Variants in STXBP5L observed in about 807,000 individuals in gnomAD.
The protein encoded by STXBP5L is syntaxin-binding protein 5-like.
STXBP5L carries 65 observed loss-of-function variants against 144.5 expected under a neutral mutation model. The observed-to-expected ratio is 0.45, with a 90% confidence interval of 0.37 to 0.55. The LOEUF is 0.55. STXBP5L is among the 20% of genes least tolerant of loss of function. The pLI, the probability that STXBP5L is intolerant of heterozygous loss-of-function variation, is 0.00. For synonymous variants in STXBP5L, 505 were observed against 469.6 expected, an observed-to-expected ratio of 1.08 and a Z score of -0.97; for missense variants, 1,298 against 1,405.5, an observed-to-expected ratio of 0.92 and a Z score of 1.22.
At chr3:121,195,318 C>G (rs2047876962) in intron 9 of STXBP5L, among the ~76,000 whole-genome samples, 1 of 151,972 alleles carries the variant, frequency 6.6e-6, no homozygotes, top group Non-Finnish European at 1.5e-5. Context: ...AAAGAAGCTG[C>G]TTTTTTCCAG....
At chr3:121,298,638 G>GCTT (rs1174410324) in intron 19 of STXBP5L, among the ~76,000 whole-genome samples, 1 of 152,100 alleles carries the variant, frequency 6.6e-6, no homozygotes, top group Non-Finnish European at 1.5e-5. Context: ...CATTACACTA[G>GCTT]ATGAAATAAG....
intron 20 of STXBP5L, among the ~76,000 whole-genome samples, chr3:121,327,162 G>A (rs979062485): frequency 6.6e-6 from 1 of 152,138 alleles, no homozygotes; most frequent in Non-Finnish European, 1.5e-5. Flanking sequence ...TTAGGAGTCA[G>A]CAGAAAGACA....
chr3:121,084,405 C>T (rs2042392302), intron 5 of STXBP5L, among the ~76,000 whole-genome samples: 1 of 152,040 alleles, frequency 6.6e-6, no homozygotes, highest in Non-Finnish European at 1.5e-5. Flanking sequence ...TCCCCTCCTT[C>T]TTCCACGTGT....
At chr3:121,141,972 GAAAAATA>G (rs2045527816) in intron 7 of STXBP5L, among the ~76,000 whole-genome samples, 1 of 151,744 alleles carries the variant, frequency 6.6e-6, no homozygotes, top group African/African-American at 2.4e-5. Context: ...AATTGATTTA[GAAAAATA>G]AAAAATAAAA....
chr3:121,289,014 C>T (rs1006300032), intron 19 of STXBP5L, among the ~76,000 whole-genome samples: 8 of 152,176 alleles, frequency 5.3e-5, no homozygotes, highest in Admixed American at 4.6e-4. Context: ...AAATACCTAC[C>T]AGGCACTATA....
At chr3:121,377,447 G>T (rs116829934) in intron 20 of STXBP5L, among the ~76,000 whole-genome samples, 1 of 152,070 alleles carries the variant, frequency 6.6e-6, no homozygotes. Flanking sequence ...CCTGACAAAG[G>T]GCTAATATCT....
At chr3:121,162,001 A>C (rs570282544) in intron 9 of STXBP5L, among the ~76,000 whole-genome samples, 1 of 152,282 alleles carries the variant, frequency 6.6e-6, no homozygotes, top group Admixed American at 6.5e-5. Context: ...CACAAAACAA[A>C]AATGAATTAG....
At chr3:121,063,909 G>A (rs2041411380) in intron 5 of STXBP5L, among the ~76,000 whole-genome samples, 1 of 152,108 alleles carries the variant, frequency 6.6e-6, no homozygotes, top group African/African-American at 2.4e-5. Context: ...CAAGCCAGTA[G>A]ATCTTAGCTT....
intron 9 of STXBP5L, among the ~76,000 whole-genome samples, chr3:121,197,126 G>A (rs981044195): frequency 2.6e-5 from 4 of 151,664 alleles, no homozygotes; most frequent in East Asian, 3.9e-4. Flanking sequence ...AGTATTTTTC[G>A]TTTCTTTCGT....
chr3:121,292,766 A>G (rs1332075189), intron 19 of STXBP5L, among the ~76,000 whole-genome samples: 6 of 152,242 alleles, frequency 3.9e-5, no homozygotes, highest in Non-Finnish European at 7.3e-5. Flanking sequence ...CATTATTCTA[A>G]GTGAAGTAAC....
At chr3:121,188,978 GAAAT>G (rs2108149151) in intron 9 of STXBP5L, among the ~76,000 whole-genome samples, 1 of 152,326 alleles carries the variant, frequency 6.6e-6, no homozygotes, top group South Asian at 2.1e-4. Context: ...GCAAGAGAAA[GAAAT>G]AAAGGGTATT....
intron 20 of STXBP5L, among the ~76,000 whole-genome samples, chr3:121,346,386 A>T (rs557192737): frequency 6.6e-6 from 1 of 151,774 alleles, no homozygotes; most frequent in East Asian, 1.9e-4. Context: ...AGTCTTTGCT[A>T]TTATGAATAG....
At chr3:121,072,431 G>A (rs1358761593) in intron 5 of STXBP5L, among the ~76,000 whole-genome samples, 1 of 152,206 alleles carries the variant, frequency 6.6e-6, no homozygotes, top group Non-Finnish European at 1.5e-5. Flanking sequence ...ACATAGAAAT[G>A]TCGTCCTATA....
chr3:121,196,480 T>C lies in STXBP5L; in HGVS notation c.878-9443T>C, dbSNP rs554664526. 3.3e-5 allele frequency among the ~76,000 whole-genome samples: 5 copies of C among 152,274 alleles called. No homozygotes were observed. In the South Asian group the frequency reaches 1.0e-3, roughly 32 times the overall value. ...TCCATAAAAACGGAGGTCTTTCCTT[T>C]TATCTGTGTTCAAAGAACCAACTTT... On this transcript the variant is annotated intron_variant, in intron 9 of 26. Transcript: ENST00000471454.
At chr3:121,076,507 G>A (rs9823877) in intron 5 of STXBP5L, among the ~76,000 whole-genome samples, 15,049 of 152,004 alleles carry the variant, frequency 0.099, 1,158 homozygotes, top group Admixed American at 0.2. Context: ...TCTTAAAGTA[G>A]GCTGCAGTGC....
At chr3:121,347,164 T>TACACC (rs1315258309) in intron 20 of STXBP5L, among the ~76,000 whole-genome samples, 1 of 152,232 alleles carries the variant, frequency 6.6e-6, no homozygotes, top group Non-Finnish European at 1.5e-5. Flanking sequence ...TTCAGCTTTC[T>TACACC]ACATATGGCT....
intron 20 of STXBP5L, among the ~76,000 whole-genome samples, chr3:121,374,750 C>T (rs1046327065): frequency 6.6e-6 from 1 of 151,578 alleles, no homozygotes; most frequent in African/African-American, 2.4e-5. Flanking sequence ...TTTGAAATAA[C>T]CCAATCAGAC....
At position 121,323,132 on chromosome 3, in the gene STXBP5L, A is replaced by G. The variant is rs551096162; in HGVS notation, c.2176+4592A>G. ...GCGTAGGTTACAAATATTTTCTCCCATTCTGTAGTTTGTCTGTCCACCCTA... is the reference window on the plus strand; with the variant it reads ...GCGTAGGTTACAAATATTTTCTCCCGTTCTGTAGTTTGTCTGTCCACCCTA... On this transcript the variant is annotated intron_variant, in intron 20 of 26. Transcript: ENST00000471454. Among the ~76,000 whole-genome samples, 3 of 152,266 alleles carry G rather than the reference A, an allele frequency of 2.0e-5. No homozygotes were observed. In the South Asian group the frequency reaches 6.2e-4, roughly 32 times the overall value.
At chr3:121,386,482 C>T (rs1167939843) in intron 22 of STXBP5L, among the ~76,000 whole-genome samples, 4 of 152,036 alleles carry the variant, frequency 2.6e-5, no homozygotes, top group Admixed American at 2.0e-4. Flanking sequence ...ATACATGTGC[C>T]ATGTTGGTTT....
Sources: allele counts gnomAD v4.1 joint callset (sites outside exome capture counted in the v4.1 genomes callset), GRCh38; gene constraint gnomAD v4.1.1; transcripts MANE v1.5; gene names NCBI Gene and HGNC (gene_info 2026-07-23, HGNC 2026-07-21).